MCUB: variants seen among roughly 807,000 people sequenced by gnomAD.
MCUB encodes mitochondrial calcium uniporter dominant negative subunit beta.
MCUB carries 46 observed loss-of-function variants against 41.4 expected under a neutral mutation model. The ratio of observed to expected loss-of-function variants is 1.11; its 90% CI spans 0.88 to 1.42. MCUB has a LOEUF of 1.42. MCUB is among the 40% of genes most tolerant of loss of function. MCUB has a pLI of 0.00. For missense variants in MCUB, 403 were observed against 404.9 expected, an observed-to-expected ratio of 1.00 and a Z score of 0.04; for synonymous variants, 148 against 148.2, an observed-to-expected ratio of 1.00 and a Z score of 0.01.
intron 1 of MCUB, among the ~76,000 whole-genome samples, chr4:109,582,305 C>G (rs1299557875): frequency 7.0e-6 from 1 of 142,984 alleles, no homozygotes; most frequent in Non-Finnish European, 1.5e-5. Context: ...CATGTTCTCA[C>G]TCATAGGTGG....
At position 109,687,594 on chromosome 4, in the gene MCUB, C is replaced by T; in HGVS notation, c.*2C>T. On this transcript the variant is annotated 3_prime_UTR_variant, in exon 8 of 8. Transcript: ENST00000394650. ...GAAGAACTCAATGAAAAGAATTAAT[C>T]TTACAGTTTTAAATGTCGTCAGATT... 6.3e-7 allele frequency: 1 copy of T among 1,593,030 alleles called. No individual in the cohort carries two copies. The highest frequency in any genetic ancestry group is 8.6e-7 in the Non-Finnish European group (1 of 1,162,120).
chr4:109,675,554 A>G (rs1729556934), intron 4 of MCUB, among the ~76,000 whole-genome samples: 1 of 152,224 alleles, frequency 6.6e-6, no homozygotes, highest in African/African-American at 2.4e-5. Context: ...TGTTTATTCC[A>G]GCCAAAACCT....
At chr4:109,564,970 C>T (rs549026266) in intron 1 of MCUB, among the ~76,000 whole-genome samples, 1 of 152,298 alleles carries the variant, frequency 6.6e-6, no homozygotes, top group Admixed American at 6.5e-5. Flanking sequence ...ATGTATTGAG[C>T]ACCTTCGATG....
chr4:109,596,694 C>G (rs1399367669), intron 1 of MCUB, among the ~76,000 whole-genome samples: 1 of 151,720 alleles, frequency 6.6e-6, no homozygotes, highest in East Asian at 1.9e-4. Context: ...GGAAAAGACA[C>G]AGATGTCTTT....
At chr4:109,643,972 A>T (rs1728775700) in intron 1 of MCUB, among the ~76,000 whole-genome samples, 1 of 152,240 alleles carries the variant, frequency 6.6e-6, no homozygotes, top group Admixed American at 6.5e-5. Context: ...AAAAATGTTA[A>T]ACAAGATTTG....
At chr4:109,562,861 T>C (rs527443377) in intron 1 of MCUB, among the ~76,000 whole-genome samples, 1 of 152,044 alleles carries the variant, frequency 6.6e-6, no homozygotes, top group East Asian at 1.9e-4. Context: ...AATTGTCTGC[T>C]AGTGTTTTCT....
chr4:109,598,303 C>A (rs1193947316), intron 1 of MCUB, among the ~76,000 whole-genome samples: 2 of 151,998 alleles, frequency 1.3e-5, no homozygotes, highest in Non-Finnish European at 2.9e-5. Flanking sequence ...AGCCGGGGCA[C>A]CATTGAGCAC....
chr4:109,646,643 C>T (rs1283665268), intron 1 of MCUB, among the ~76,000 whole-genome samples: 1 of 152,312 alleles, frequency 6.6e-6, no homozygotes, highest in East Asian at 1.9e-4. Context: ...TGAGATGCTA[C>T]ATAACTTAGA....
chr4:109,613,892 G>A (rs1728071630), intron 1 of MCUB, among the ~76,000 whole-genome samples: 1 of 152,086 alleles, frequency 6.6e-6, no homozygotes, highest in African/African-American at 2.4e-5. Flanking sequence ...CAAAACTGTG[G>A]TATAATATCA....
intron 1 of MCUB, among the ~76,000 whole-genome samples, chr4:109,602,084 GTTGT>G (rs1228881200): frequency 1.3e-5 from 2 of 152,106 alleles, no homozygotes; most frequent in Non-Finnish European, 2.9e-5. Context: ...TTCTCATAGA[GTTGT>G]TTGAGTCCTT....
chr4:109,679,032 C>T (rs557450480), intron 4 of MCUB, among the ~76,000 whole-genome samples: 153 of 149,384 alleles, frequency 1.0e-3, no homozygotes, highest in Non-Finnish European at 1.9e-3. Context: ...TGGGCAGAGG[C>T]GCTCCTCTCT....
intron 1 of MCUB, among the ~76,000 whole-genome samples, chr4:109,587,538 C>T (rs935904310): frequency 2.6e-5 from 4 of 152,194 alleles, no homozygotes; most frequent in African/African-American, 9.7e-5. Context: ...CCGTCTTCTG[C>T]GTCAATCACG....
At chr4:109,645,021 C>T (rs1022407088) in intron 1 of MCUB, among the ~76,000 whole-genome samples, 18 of 152,108 alleles carry the variant, frequency 1.2e-4, no homozygotes, top group Admixed American at 1.3e-4. Context: ...AACAAGCCTC[C>T]CCCTTTATAC....
At chr4:109,594,899 G>A (rs1004593811) in intron 1 of MCUB, among the ~76,000 whole-genome samples, 1 of 151,782 alleles carries the variant, frequency 6.6e-6, no homozygotes, top group Non-Finnish European at 1.5e-5. Flanking sequence ...GACTCACCAG[G>A]GAAGAACAGG....
intron 4 of MCUB, among the ~76,000 whole-genome samples, chr4:109,677,802 A>ATTTTTTTTTTTTTTT (rs71595506): frequency 1.2e-5 from 1 of 86,606 alleles, no homozygotes; most frequent in African/African-American, 4.7e-5. Flanking sequence ...AAGGAAACAA[A>ATTTTTTTTTTTTTTT]TTTTTTTTTT....
At chr4:109,572,566 C>T (rs990970910) in intron 1 of MCUB, among the ~76,000 whole-genome samples, 4 of 152,064 alleles carry the variant, frequency 2.6e-5, no homozygotes, top group Non-Finnish European at 5.9e-5. Flanking sequence ...CAGAATAAAA[C>T]GTGTCTTAGT....
chr4:109,609,534 C>T (rs187707847), intron 1 of MCUB, among the ~76,000 whole-genome samples: 1 of 152,254 alleles, frequency 6.6e-6, no homozygotes, highest in East Asian at 1.9e-4. Context: ...TCTTTATGAC[C>T]TATATCTTGT....
chr4:109,634,350 C>T (rs929014440), intron 1 of MCUB, among the ~76,000 whole-genome samples: 2 of 151,998 alleles, frequency 1.3e-5, no homozygotes, highest in African/African-American at 2.4e-5. Flanking sequence ...GGCGTGGTGG[C>T]GCGTGCCTGT....
chr4:109,562,491 TA>T (rs1210012439), intron 1 of MCUB, among the ~76,000 whole-genome samples: 3 of 152,248 alleles, frequency 2.0e-5, no homozygotes, highest in Admixed American at 2.0e-4. Flanking sequence ...CATTTTCTGC[TA>T]ATCAAATTAC....
Sources: gnomAD v4.1 joint callset for allele counts (sites outside exome capture counted in the v4.1 genomes callset) on GRCh38, gnomAD v4.1.1 for gene constraint, MANE v1.5 for transcripts, NCBI Gene and HGNC (gene_info 2026-07-23, HGNC 2026-07-21) for gene names.